Variants in ABCC10 observed in about 807,000 individuals in gnomAD.
ABCC10 encodes the protein ATP binding cassette subfamily C member 10, also known as ATP-binding cassette sub-family C member 10.
Under a neutral mutation model 143.2 loss-of-function variants are expected in ABCC10, and 110 were observed. The observed-to-expected ratio is 0.77, with a 90% CI of 0.66 to 0.90. ABCC10 has a LOEUF of 0.90. ABCC10 is among the 40% of genes least tolerant of loss of function. The probability of loss-of-function intolerance (pLI) is 0.00; values close to 1 mark genes in which losing one functional copy is unlikely to be tolerated. For synonymous variants in ABCC10, 805 were observed against 846.7 expected, an observed-to-expected ratio of 0.95 and a Z score of 0.85; for missense variants, 1,700 against 1,900.5, an observed-to-expected ratio of 0.89 and a Z score of 1.96.
Position 43,443,247 on chromosome 6 carries a change from T to C in ABCC10, c.2416+88T>C, listed in dbSNP as rs1221282497. 2.2e-6 allele frequency: 3 copies of C among 1,337,106 alleles called. No individual in the cohort carries two copies. The highest frequency in any genetic ancestry group is 2.6e-5 in the East Asian group (1 of 38,978). The allele number at this position is 1,337,106 out of a possible 1,614,324, so 82.8% of individuals were successfully genotyped here. A position where few individuals can be genotyped will look rare whatever the true frequency, so the allele number is the denominator to read the frequency against. On this transcript the variant is annotated intron_variant, in intron 10 of 21. Transcript: ENST00000372530. This position sits in a 1 kb window ranked among gnomAD's most constrained non-coding sequence, Gnocchi z 4.2. ...AGTACAGACTCTGCCCCCTGCTGCA[T>C]GTGTGCCCTGAGCCAGTCATTGCTG...
rs757200638 is a variant in ABCC10 at position 43,432,411 on chromosome 6, C to G, written c.431C>G (p.Ala144Gly). The change falls in exon 3 of 22, where the codon GCT (alanine) becomes GGT (glycine). Residue 144 changes from alanine (A) to glycine (G), a missense_variant. Transcript: ENST00000372530. ...TTGGCCCTGGTAGCCTTGCTGCCAG[C>G]TCCAGCCCTAGTGCTGACCGTGTTG... Reference protein sequence around the residue: ...LALALVALLPAPALVLTVLWH... With the variant: ...LALALVALLPGPALVLTVLWH... 10 of 1,612,006 alleles carry G rather than the reference C, an allele frequency of 6.2e-6. No individual in the cohort carries two copies. The Admixed American group carries it at 1.5e-4, about 24-fold the overall frequency.
intron 16 of ABCC10, 56 bp from the exon 17 acceptor site, chr6:43,447,192 C>T: frequency 1.9e-6 from 3 of 1,580,162 alleles, no homozygotes; most frequent in East Asian, 4.5e-5. Flanking sequence ...TGGGGAGTCT[C>T]CCACAAACGT....
chr6:43,441,787 C>T, intron 8 of ABCC10, 75 bp from the exon 9 acceptor site: 1 of 1,250,256 alleles, frequency 8.0e-7, no homozygotes, highest in Non-Finnish European at 1.1e-6. Flanking sequence ...CTCCCACTAT[C>T]TCCTGCAAAG....
chr6:43,435,053 T>A, intron 4 of ABCC10: 1 of 582,332 alleles, frequency 1.7e-6, no homozygotes, highest in Non-Finnish European at 3.0e-6. Context: ...TTCTTTCCTC[T>A]CCTCTACCTT....
rs1362442093 is a variant in ABCC10, at chr6:43,437,939, G to C, written c.1881G>C (p.Met627Ile). 1 of 1,612,804 alleles carries C rather than the reference G, an allele frequency of 6.2e-7. No individual in the cohort carries two copies. The highest frequency in any genetic ancestry group is 8.5e-7 in the Non-Finnish European group (1 of 1,179,570). ...CTTGTGTGGCTTCCTTGCAGGGTAT[G>C]CTGGTGGGCATCGTGGGGAAGGTCG... ...FISHLEVKKG[M>I]LVGIVGKVGC... The change falls in exon 7 of 22, where the codon ATG becomes ATC. Residue 627 changes from methionine to isoleucine, a missense_variant. Transcript: ENST00000372530.
intron 4 of ABCC10, among the ~76,000 whole-genome samples, chr6:43,435,362 G>A (rs1168622416): frequency 6.6e-6 from 1 of 152,108 alleles, no homozygotes; most frequent in Non-Finnish European, 1.5e-5. Context: ...GTGAAACCTT[G>A]TCTCTACTAA....
Position 43,450,173 on chromosome 6 carries a change from A to T in ABCC10, c.*82A>T. The stretch of plus-strand genomic sequence containing the variant: ...ACAGAGGTGCTGGCTGCTTGTTTAC[A>T]TTCTCCTCTGGGGCTCTACCTCTCC... On this transcript the variant is annotated 3_prime_UTR_variant, in exon 22 of 22. Coordinates refer to ENST00000372530, the MANE Select transcript of ABCC10 (RefSeq NM_001198934.2). The surrounding 1 kb of genome is among the most constrained non-coding windows in gnomAD (Gnocchi z 4.5). The T allele has an allele frequency of 5.5e-6, 8 of 1,456,752 alleles. No homozygotes were observed. The South Asian group carries it at 1.1e-4, about 20-fold the overall frequency. The allele number at this position is 1,456,752 out of a possible 1,614,324, so 90.2% of individuals were successfully genotyped here. A position where few individuals can be genotyped will look rare whatever the true frequency, so the allele number is the denominator to read the frequency against.
intron 12 of ABCC10, 118 bp downstream of exon 12, chr6:43,444,471 C>A: frequency 7.8e-7 from 1 of 1,282,712 alleles, no homozygotes; most frequent in Non-Finnish European, 1.0e-6. Context: ...ACAGCTGGGA[C>A]AAAAGCCATA....
chr6:43,449,185 C>T lies in ABCC10; in HGVS notation c.4184C>T (p.Ala1395Val), dbSNP rs773796273. The part of the protein sequence containing the change: ...GQRQLLCLAR[A>V]LLTDAKILCI... ...AGGCAGCTGTTGTGTTTGGCCAGGG[C>T]TCTCCTCACAGATGCCAAGGTAAGG... The change falls in exon 20 of 22, where the codon GCT becomes GTT. Residue 1395 changes from alanine to valine, a missense_variant. Ala to Val is a moderately conservative substitution (Grantham distance 64). Transcript: ENST00000372530. The T allele has an allele frequency of 1.2e-6, 2 of 1,613,990 alleles. No individual in the cohort carries two copies. The highest frequency in any genetic ancestry group is 8.5e-7 in the Non-Finnish European group (1 of 1,179,960).
chr6:43,435,062 T>C, intron 4 of ABCC10: 1 of 567,708 alleles, frequency 1.8e-6, no homozygotes, highest in Non-Finnish European at 3.1e-6. Flanking sequence ...CTCCTCTACC[T>C]TTCACTCCAG....
In ABCC10 at chr6:43,443,936, C is replaced by T. The variant is rs773418915; in HGVS notation, c.2420C>T (p.Pro807Leu). 1.1e-5 allele frequency: 18 copies of T among 1,613,574 alleles called. No individual in the cohort carries two copies. Among genetic ancestry groups the T allele is most frequent in the Non-Finnish European group, 1.5e-5 (18 of 1,179,434 alleles). ...MEAGRLIRAGPPSEILPLVQA... is the reference protein window; with the variant it reads ...MEAGRLIRAGLPSEILPLVQA... Reference sequence around the variant, plus strand: ...AATCTCCCCTTCTACCCTCCAGGACCTCCCTCTGAGATTCTGCCACTGGTA... The same window carrying T: ...AATCTCCCCTTCTACCCTCCAGGACTTCCCTCTGAGATTCTGCCACTGGTA... The change falls in exon 11 of 22, where the codon CCT becomes CTT. Residue 807 changes from proline to leucine, a missense_variant. Pro to Leu is a moderately conservative substitution (Grantham distance 98, BLOSUM62 -3). Transcript: ENST00000372530. This position sits in a 1 kb window ranked among gnomAD's most constrained non-coding sequence, Gnocchi z 4.2.
intron 1 of ABCC10, 58 bp downstream of exon 1, chr6:43,427,815 G>C: frequency 2.5e-6 from 2 of 802,868 alleles, no homozygotes; most frequent in Non-Finnish European, 4.2e-6. Flanking sequence ...TTTACCCTTG[G>C]TACCGCGAGA....
In ABCC10 at chr6:43,447,296, T is replaced by C; in HGVS notation, c.3593T>C (p.Leu1198Pro). The C allele has an allele frequency of 1.2e-6, 2 of 1,613,712 alleles. No homozygotes were observed. Among genetic ancestry groups the C allele is most frequent in the South Asian group, 2.2e-5 (2 of 91,072 alleles). Residue 1198 changes from leucine (L) to proline (P), a missense_variant, in exon 17 of 22, where the codon CTC (leucine) becomes CCC (proline). Leu to Pro is a moderately conservative substitution (Grantham distance 98). Coordinates refer to ENST00000372530, the MANE Select transcript of ABCC10 (RefSeq NM_001198934.2). ...TATGCCCTGTCCCTGACGGGCCTGCTCTCGGGCCTGGTGAGCAGCTTCACA... is the reference window on the plus strand; with the variant it reads ...TATGCCCTGTCCCTGACGGGCCTGCCCTCGGGCCTGGTGAGCAGCTTCACA... ...LSYALSLTGL[L>P]SGLVSSFTQT...
intron 8 of ABCC10, 43 bp from the exon 9 acceptor site, chr6:43,441,819 G>A (rs1291187263): frequency 6.5e-7 from 1 of 1,536,656 alleles, no homozygotes. Flanking sequence ...GGGCCAGAAG[G>A]TAATGGGAGC....
rs375458634 is a variant in ABCC10 at position 43,445,884 on chromosome 6, C to T, written c.3316C>T (p.His1106Tyr). 1 of 1,613,996 alleles carries T rather than the reference C, an allele frequency of 6.2e-7. No individual in the cohort carries two copies. Among genetic ancestry groups the T allele is most frequent in the Non-Finnish European group, 8.5e-7 (1 of 1,180,002 alleles). The change falls in exon 15 of 22, where the codon CAT becomes TAT. Residue 1106 changes from histidine (H) to tyrosine (Y), a missense_variant. His to Tyr is a moderately conservative substitution (Grantham distance 83). Coordinates refer to ENST00000372530, the MANE Select transcript of ABCC10 (RefSeq NM_001198934.2). Reference sequence around the variant, plus strand: ...CCTCACCCTGTCTCCACTGTATAGCCATCTGGCCGATACCTTGGCTGGCCT... The same window carrying T: ...CCTCACCCTGTCTCCACTGTATAGCTATCTGGCCGATACCTTGGCTGGCCT... ...GSLTLSPLYS[H>Y]LADTLAGLSV...
intron 3 of ABCC10, among the ~76,000 whole-genome samples, chr6:43,434,207 C>T (rs909696742): frequency 1.2e-4 from 19 of 152,354 alleles, no homozygotes; most frequent in East Asian, 7.7e-4. Context: ...CCACTCAAGC[C>T]GGGGGCCGGA....
Position 43,443,464 on chromosome 6 carries a change from C to T in ABCC10, c.2416+305C>T. The T allele has an allele frequency of 2.9e-6, 1 of 340,584 alleles. No homozygotes were observed. The highest frequency in any genetic ancestry group is 5.3e-6 in the Non-Finnish European group (1 of 188,360). The allele number at this position is 340,584 out of a possible 1,614,324, so 21.1% of individuals were successfully genotyped here. ...AGAAAGGAGTCAGGTTTAGAATGGTCTTTTTGTAAAAACAAAAATTTTTAA... is the reference window on the plus strand; with the variant it reads ...AGAAAGGAGTCAGGTTTAGAATGGTTTTTTTGTAAAAACAAAAATTTTTAA... On this transcript the variant is annotated intron_variant, in intron 10 of 21. Transcript: ENST00000372530. The surrounding 1 kb of genome is among the most constrained non-coding windows in gnomAD (Gnocchi z 4.2).
rs372607841 is a variant in ABCC10 at position 43,447,399 on chromosome 6, G to A, written c.3696G>A (p.Gln1232=). Residue 1232 remains glutamine (Q), a synonymous_variant, in exon 17 of 22, where the codon CAG becomes CAA. Transcript: ENST00000372530. ...TCDLPQEPQG[Q]PLQLGTGWLT... is the part of the protein sequence containing the mutation. ...ACCTGCCCCAGGAACCCCAGGGCCA[G>A]CCACTGCAGGTGGGCCTGTACCCCC... The A allele has an allele frequency of 6.2e-7, 1 of 1,612,932 alleles. No homozygotes were observed. Among genetic ancestry groups the A allele is most frequent in the African/African-American group, 1.3e-5 (1 of 74,912 alleles).
intron 11 of ABCC10, 46 bp downstream of exon 11, chr6:43,444,056 A>T: frequency 6.2e-7 from 1 of 1,608,476 alleles, no homozygotes; most frequent in Non-Finnish European, 8.5e-7. Context: ...TCCCTGCCAC[A>T]CTGTAGAGCT....
Sources: gnomAD v4.1 joint callset for allele counts (sites outside exome capture counted in the v4.1 genomes callset) on GRCh38, gnomAD v4.1.1 for gene constraint, Gnocchi (gnomAD v3.1) non-coding constraint, MANE v1.5 for transcripts, NCBI Gene and HGNC (gene_info 2026-07-23, HGNC 2026-07-21) for gene names.